Variants in MCTP2 observed in about 807,000 individuals in gnomAD.
MCTP2 encodes multiple C2 and transmembrane domain containing 2, also known as multiple C2 and transmembrane domain-containing protein 2.
A neutral mutation model predicts 111.6 loss-of-function variants in MCTP2; 132 were observed. The observed-to-expected ratio is 1.18, with a 90% CI of 1.03 to 1.37. The LOEUF (loss-of-function observed/expected upper bound fraction) is 1.37, where lower values mean the gene tolerates loss of function less well. Ranked by LOEUF, MCTP2 falls within the 40% of genes most tolerant of loss-of-function variation. The pLI is 0.00. For synonymous variants in MCTP2, 395 were observed against 387.7 expected (o/e 1.02, Z -0.22); for missense variants, 1,183 against 1,067.9 (o/e 1.11, Z -1.50).
chr15:94,295,679 C>T (rs189126734), intron 1 of MCTP2, among the ~76,000 whole-genome samples: 1 of 152,154 alleles, frequency 6.6e-6, no homozygotes, highest in African/African-American at 2.4e-5. Flanking sequence ...ACGGACTTTT[C>T]AGTTATTTAA....
chr15:94,345,886 G>A (rs2077952661), intron 8 of MCTP2, among the ~76,000 whole-genome samples: 1 of 152,034 alleles, frequency 6.6e-6, no homozygotes, highest in Non-Finnish European at 1.5e-5. Context: ...ACGAAATGAT[G>A]CAGTATTTGA....
intron 2 of MCTP2, 22 bp downstream of exon 2, chr15:94,298,752 C>CTT: frequency 2.7e-6 from 4 of 1,462,352 alleles, no homozygotes; most frequent in Admixed American, 4.5e-5. Context: ...GCTGGGCTCT[C>CTT]TTTTTTTTTG....
intron 10 of MCTP2, among the ~76,000 whole-genome samples, chr15:94,361,084 GTTTTTTTTTTTTTTTTTT>G (rs67774490): frequency 2.4e-4 from 2 of 8,416 alleles, no homozygotes; most frequent in South Asian, 7.9e-3. Context: ...AATATTTCAA[GTTTTTTTTTTTTTTTTTT>G]TTTTTTTTTT....
intron 17 of MCTP2, among the ~76,000 whole-genome samples, chr15:94,425,364 C>A (rs558471129): frequency 2.0e-5 from 3 of 152,248 alleles, no homozygotes; most frequent in African/African-American, 7.2e-5. Context: ...TCCTTTTCTT[C>A]TTCAAGAATG....
At chr15:94,406,862 T>G (rs1156833170) in intron 17 of MCTP2, among the ~76,000 whole-genome samples, 2 of 151,028 alleles carry the variant, frequency 1.3e-5, no homozygotes, top group African/African-American at 2.4e-5. Context: ...TCAGTTGTTT[T>G]TTTTTTTTTT....
chr15:94,403,654 T>C (rs2081725838), intron 17 of MCTP2, among the ~76,000 whole-genome samples: 2 of 152,192 alleles, frequency 1.3e-5, no homozygotes, highest in African/African-American at 2.4e-5. Flanking sequence ...GGTTGTCTAA[T>C]AGAGGGGACT....
chr15:94,401,796 T>A (rs1246843243), intron 16 of MCTP2, 104 bp from the exon 17 acceptor site: 3 of 760,514 alleles, frequency 3.9e-6, no homozygotes, highest in Non-Finnish European at 5.9e-6. Context: ...ATTTTAAAAT[T>A]GGGATCTATA....
intron 17 of MCTP2, among the ~76,000 whole-genome samples, chr15:94,419,943 G>A (rs1406122028): frequency 6.6e-6 from 1 of 152,100 alleles, no homozygotes; most frequent in Non-Finnish European, 1.5e-5. Flanking sequence ...ATGCCATCTA[G>A]GACTTCCATA....
chr15:94,434,004 T>G (rs1341518544), intron 17 of MCTP2, among the ~76,000 whole-genome samples: 1 of 152,220 alleles, frequency 6.6e-6, no homozygotes, highest in Non-Finnish European at 1.5e-5. Context: ...TTTCAGTATA[T>G]GTAGTGAAAA....
chr15:94,354,391 G>T (rs530235475), intron 8 of MCTP2, among the ~76,000 whole-genome samples: 2 of 152,120 alleles, frequency 1.3e-5, no homozygotes, highest in Non-Finnish European at 2.9e-5. Context: ...GAATTATGGG[G>T]GTGGTTTCCC....
At chr15:94,423,287 T>A (rs1163855222) in intron 17 of MCTP2, among the ~76,000 whole-genome samples, 1 of 152,196 alleles carries the variant, frequency 6.6e-6, no homozygotes, top group East Asian at 1.9e-4. Flanking sequence ...GAGGCAGATA[T>A]TACCATTCCC....
rs2074729411 is a variant in MCTP2 at position 94,481,569 on chromosome 15, C to G, written c.*2535C>G. 1 of 152,254 alleles carries G rather than the reference C, an allele frequency of 6.6e-6. No homozygotes were observed. The highest frequency in any genetic ancestry group is 2.4e-5 in the African/African-American group (1 of 41,458). The allele number at this position is 152,254 out of a possible 1,614,324, so 9.4% of individuals were successfully genotyped here. A position where few individuals can be genotyped will look rare whatever the true frequency, so the allele number is the denominator to read the frequency against. ...TTCATTCAGACTGGAAGGACCTGCCCCCAGTTGTTTCTTTCTGAATAGATT... is the reference window on the plus strand; with the variant it reads ...TTCATTCAGACTGGAAGGACCTGCCGCCAGTTGTTTCTTTCTGAATAGATT... On this transcript the variant is annotated 3_prime_UTR_variant, in exon 23 of 23. Coordinates refer to ENST00000357742, the MANE Select transcript of MCTP2 (RefSeq NM_001385001.1).
intron 1 of MCTP2, among the ~76,000 whole-genome samples, chr15:94,245,247 C>T (rs571994333): frequency 7.4e-6 from 1 of 135,450 alleles, no homozygotes; most frequent in Non-Finnish European, 1.6e-5. Flanking sequence ...TATATATACA[C>T]ATATGTATAT....
chr15:94,457,633 G>T (rs924281628), intron 19 of MCTP2, among the ~76,000 whole-genome samples: 1 of 152,106 alleles, frequency 6.6e-6, no homozygotes, highest in African/African-American at 2.4e-5. Context: ...AAATGTCATC[G>T]GGCTGGCAAT....
At chr15:94,430,369 C>CA (rs1436878924) in intron 17 of MCTP2, among the ~76,000 whole-genome samples, 2 of 140,930 alleles carry the variant, frequency 1.4e-5, no homozygotes, top group Non-Finnish European at 3.1e-5. Flanking sequence ...TAAAAAAAAA[C>CA]AAACAAAAAA....
chr15:94,370,028 T>A, intron 11 of MCTP2, 59 bp from the exon 12 acceptor site: 1 of 1,145,184 alleles, frequency 8.7e-7, no homozygotes, highest in East Asian at 2.5e-5. Flanking sequence ...TAGGACTTTA[T>A]GACATTAAGT....
chr15:94,423,492 G>A (rs779858210), intron 17 of MCTP2, among the ~76,000 whole-genome samples: 14 of 152,144 alleles, frequency 9.2e-5, no homozygotes, highest in Admixed American at 3.9e-4. Flanking sequence ...AAGAGCATTT[G>A]ACTCCATATT....
In MCTP2 at chr15:94,384,126, T is replaced by G; in HGVS notation, c.1685+2T>G. The G allele has an allele frequency of 6.2e-7, 1 of 1,602,782 alleles. No homozygotes were observed. Among genetic ancestry groups the G allele is most frequent in the Non-Finnish European group, 8.5e-7 (1 of 1,170,426 alleles). On this transcript the variant is annotated splice_donor_variant, in intron 13 of 22. Transcript: ENST00000357742. LOFTEE classifies it high-confidence loss of function. ...TGAATGGAACAAAGTTTTTACATTGTAAGTGCTTTAGCCTCTGGAATTATT... is the reference window on the plus strand; with the variant it reads ...TGAATGGAACAAAGTTTTTACATTGGAAGTGCTTTAGCCTCTGGAATTATT...
chr15:94,292,627 T>C lies in MCTP2; in HGVS notation c.-65-5574T>C, dbSNP rs2075084810. On this transcript the variant is annotated intron_variant, in intron 1 of 22. Transcript: ENST00000357742. ...AGAAATGAAGGAAGACCTAGATAAA[T>C]GAAGAGACCTGCCATGTGCTTGTAT... Among the ~76,000 whole-genome samples the C allele has an allele frequency of 3.3e-5, 5 of 152,178 alleles. No individual in the cohort carries two copies. The South Asian group carries it at 1.0e-3, about 31-fold the overall frequency.
Sources: gnomAD v4.1 joint callset for allele counts (sites outside exome capture counted in the v4.1 genomes callset) on GRCh38, gnomAD v4.1.1 for gene constraint, MANE v1.5 for transcripts, NCBI Gene and HGNC (gene_info 2026-07-23, HGNC 2026-07-21) for gene names.